Variants in BMP6 observed in about 807,000 individuals in gnomAD.
The protein encoded by BMP6 is VG-1-R.
In BMP6, 17 loss-of-function variants were observed where a neutral mutation model predicts 54.1. The observed-to-expected ratio is 0.31, with a 90% CI of 0.22 to 0.47. The LOEUF is 0.47. Among genes scored for constraint, BMP6 ranks in the 20% least tolerant of loss-of-function variants. BMP6 has a pLI of 1.00. For synonymous variants in BMP6, 328 were observed against 291.2 expected (o/e 1.13, Z -1.28); for missense variants, 720 against 690.4 (o/e 1.04, Z -0.48).
chr6:7,836,343 T>C (rs1168219279), intron 1 of BMP6, among the ~76,000 whole-genome samples: 1 of 152,234 alleles, frequency 6.6e-6, no homozygotes, highest in Non-Finnish European at 1.5e-5. Context: ...CAGAGAGTTT[T>C]ATTGTGGCAA....
chr6:7,754,769 G>A (rs1014126643), intron 1 of BMP6, among the ~76,000 whole-genome samples: 1 of 152,216 alleles, frequency 6.6e-6, no homozygotes, highest in African/African-American at 2.4e-5. Context: ...CCAGGCTGGA[G>A]TGCAGTGGTG....
chr6:7,880,627 TC>T lies in BMP6; in HGVS notation c.*289del. 2.3e-6 allele frequency: 1 copy of T among 440,622 alleles called. No homozygotes were observed. The highest frequency in any genetic ancestry group is 3.9e-5 in the East Asian group (1 of 25,376). 27.3% of individuals were successfully genotyped at this position (440,622 alleles called of 1,614,324 possible). A position where few individuals can be genotyped will look rare whatever the true frequency, so the allele number is the denominator to read the frequency against. ...AACCGTGAAGCTCTTCCTACCCTCC[TC>T]CCCCAAAAACCCACCAAAATTAGTT... On this transcript the variant is annotated 3_prime_UTR_variant, in exon 7 of 7. Coordinates refer to ENST00000283147, the MANE Select transcript of BMP6 (RefSeq NM_001718.6).
At chr6:7,867,131 C>T (rs1289540017) in intron 4 of BMP6, among the ~76,000 whole-genome samples, 1 of 152,178 alleles carries the variant, frequency 6.6e-6, no homozygotes, top group African/African-American at 2.4e-5. Flanking sequence ...CTCGGCCTCC[C>T]AAAGTGTTGG....
chr6:7,872,216 A>G (rs1747159542), intron 4 of BMP6, among the ~76,000 whole-genome samples: 1 of 151,812 alleles, frequency 6.6e-6, no homozygotes, highest in Non-Finnish European at 1.5e-5. Flanking sequence ...TCTTCAGCCC[A>G]TTCATCAAAA....
At position 7,727,127 on chromosome 6, in the gene BMP6, C is replaced by T. The variant is rs1761741681; in HGVS notation, c.172C>T (p.Pro58Ser). The T allele has an allele frequency of 1.3e-6, 2 of 1,528,768 alleles. No individual in the cohort carries two copies. The highest frequency in any genetic ancestry group is 1.4e-5 in the African/African-American group (1 of 69,756). 94.7% of individuals were successfully genotyped at this position (1,528,768 alleles called of 1,614,324 possible). ...GSPGRTEQPP[P>S]SPQSSSGFLY... ...CCCCGGCCGCACGGAGCAGCCGCCG[C>T]CGTCGCCGCAGTCCTCCTCGGGCTT... Residue 58 changes from proline to serine, a missense_variant, in exon 1 of 7, where the codon CCG becomes TCG. Coordinates refer to ENST00000283147, the MANE Select transcript of BMP6 (RefSeq NM_001718.6).
intron 1 of BMP6, among the ~76,000 whole-genome samples, chr6:7,841,814 T>C (rs1758975179): frequency 6.6e-6 from 1 of 152,182 alleles, no homozygotes; most frequent in African/African-American, 2.4e-5. Flanking sequence ...CTTCATGATA[T>C]TGTTGTTTTG....
At chr6:7,763,140 A>T (rs1403925452) in intron 1 of BMP6, among the ~76,000 whole-genome samples, 1 of 152,244 alleles carries the variant, frequency 6.6e-6, no homozygotes, top group African/African-American at 2.4e-5. Context: ...TTTAAAGTAC[A>T]AAGCATGCAT....
intron 4 of BMP6, among the ~76,000 whole-genome samples, chr6:7,862,886 A>T (rs1241521017): frequency 6.6e-6 from 1 of 152,190 alleles, no homozygotes; most frequent in Non-Finnish European, 1.5e-5. Flanking sequence ...CAGTTGTGTA[A>T]TATGAACTTG....
chr6:7,780,474 G>A (rs941185773), intron 1 of BMP6, among the ~76,000 whole-genome samples: 4 of 151,832 alleles, frequency 2.6e-5, no homozygotes, highest in Admixed American at 1.3e-4. Context: ...GCTTGAACCC[G>A]GGAGGCGGAG....
In BMP6 at chr6:7,726,138, A is replaced by G. The variant is rs1561749488; in HGVS notation, c.-818A>G. Among the ~76,000 whole-genome samples the G allele has an allele frequency of 6.6e-6, 1 of 152,158 alleles. No individual in the cohort carries two copies. The highest frequency in any genetic ancestry group is 2.4e-5 in the African/African-American group (1 of 41,444). ...GGCCGCTGCGGGGAGCGCGGCGTGGAGAGGCGGGAGACCGAATTCCGGCGC... is the reference window on the plus strand; with the variant it reads ...GGCCGCTGCGGGGAGCGCGGCGTGGGGAGGCGGGAGACCGAATTCCGGCGC... On this transcript the variant is annotated 5_prime_UTR_variant, in exon 1 of 7. Transcript: ENST00000283147.
At chr6:7,868,220 C>G (rs1263452629) in intron 4 of BMP6, among the ~76,000 whole-genome samples, 1 of 152,208 alleles carries the variant, frequency 6.6e-6, no homozygotes, top group Non-Finnish European at 1.5e-5. Context: ...CTGAAATCTC[C>G]TGGAGCAACC....
chr6:7,875,159 A>C (rs1200295153), intron 4 of BMP6, among the ~76,000 whole-genome samples: 1 of 152,124 alleles, frequency 6.6e-6, no homozygotes, highest in African/African-American at 2.4e-5. Flanking sequence ...CCTGAAGTGC[A>C]AAGCCCTGGG....
At chr6:7,822,897 TTGTGTG>T (rs56161444) in intron 1 of BMP6, among the ~76,000 whole-genome samples, 1,763 of 121,296 alleles carry the variant, frequency 0.015, 19 homozygotes, top group African/African-American at 0.032. Context: ...TTGGTGCTGG[TTGTGTG>T]TGTGTGTGTG....
chr6:7,738,890 G>A (rs1221930770), intron 1 of BMP6, among the ~76,000 whole-genome samples: 1 of 152,226 alleles, frequency 6.6e-6, no homozygotes, highest in East Asian at 1.9e-4. Flanking sequence ...AGGAAGTGCT[G>A]TGCAAAGTCC....
At chr6:7,819,076 A>G (rs34575346) in intron 1 of BMP6, among the ~76,000 whole-genome samples, 19,512 of 152,168 alleles carry the variant, frequency 0.13, 1,524 homozygotes, top group African/African-American at 0.21. Context: ...ACAAGCTGCA[A>G]TGTGAGATTT....
rs142419088 is a variant in BMP6, at chr6:7,831,459, T to G, written c.665-13681T>G. 6.5e-3 allele frequency among the ~76,000 whole-genome samples: 997 copies of G among 152,306 alleles called. 23 individuals carry two copies. Among genetic ancestry groups the G allele is most frequent in the African/African-American group, 0.023 (946 of 41,556 alleles). On this transcript the variant is annotated intron_variant, in intron 1 of 6. Coordinates refer to ENST00000283147, the MANE Select transcript of BMP6 (RefSeq NM_001718.6). Reference sequence around the variant, plus strand: ...TGGTGAATTTTATGTTATGTAAATTTTACCTCAATTGAAAAGAATGAAAGA... The same window carrying G: ...TGGTGAATTTTATGTTATGTAAATTGTACCTCAATTGAAAAGAATGAAAGA...
chr6:7,826,309 T>C lies in BMP6; in HGVS notation c.665-18831T>C, dbSNP rs562166707. On this transcript the variant is annotated intron_variant, in intron 1 of 6. Transcript: ENST00000283147. Reference sequence around the variant, plus strand: ...CGTTCACTTTCTCCTGTTCTGACTGTCCTCTGTGGCATACACCTTTGATGT... The same window carrying C: ...CGTTCACTTTCTCCTGTTCTGACTGCCCTCTGTGGCATACACCTTTGATGT... 6.6e-5 allele frequency among the ~76,000 whole-genome samples: 10 copies of C among 152,308 alleles called. No individual in the cohort carries two copies. In the South Asian group the frequency reaches 2.1e-3, roughly 32 times the overall value.
At position 7,813,167 on chromosome 6, in the gene BMP6, A is replaced by G. The variant is rs566740299; in HGVS notation, c.665-31973A>G. ...TATATATAAAATTAGTGGGCATGGT[A>G]GTAGATAAGGGATCTTCATGACACA... is the stretch of plus-strand genomic sequence containing the variant. On this transcript the variant is annotated intron_variant, in intron 1 of 6. Coordinates refer to ENST00000283147, the MANE Select transcript of BMP6 (RefSeq NM_001718.6). Among the ~76,000 whole-genome samples, 781 of 116,616 alleles carry G rather than the reference A, an allele frequency of 6.7e-3. 3 individuals are homozygous for G. The highest frequency in any genetic ancestry group is 0.01 in the Non-Finnish European group (612 of 58,560). 76.5% of individuals were successfully genotyped at this position (116,616 alleles called of 152,430 possible).
rs957527477 is a variant in BMP6, at chr6:7,846,231, A to G, written c.857+899A>G. Among the ~76,000 whole-genome samples, 3 of 151,852 alleles carry G rather than the reference A, an allele frequency of 2.0e-5. No homozygotes were observed. The East Asian group carries it at 5.8e-4, about 29-fold the overall frequency. On this transcript the variant is annotated intron_variant, in intron 2 of 6. Transcript: ENST00000283147. ...GGGAAGTGAACATATGGGGGAGGGA[A>G]CTCCATGCTTCCAGACTCCGTAAGG...
Sources: gnomAD v4.1 joint callset for allele counts (sites outside exome capture counted in the v4.1 genomes callset) on GRCh38, gnomAD v4.1.1 for gene constraint, MANE v1.5 for transcripts, NCBI Gene and HGNC (gene_info 2026-07-23, HGNC 2026-07-21) for gene names.